The following VIPR2 variants were observed in gnomAD, a reference collection of about 807,000 sequenced individuals.
VIPR2 encodes vasoactive intestinal polypeptide receptor 2.
A neutral mutation model predicts 58.0 loss-of-function variants in VIPR2; 48 were observed. The observed-to-expected ratio is 0.83, with a 90% CI of 0.66 to 1.05. The LOEUF (loss-of-function observed/expected upper bound fraction) is 1.05. Ranked by LOEUF, VIPR2 falls within the 50% of genes least tolerant of loss-of-function variation. The probability of loss-of-function intolerance (pLI) is 0.00; values close to 1 mark genes in which losing one functional copy is unlikely to be tolerated. For synonymous variants in VIPR2, 243 were observed against 235.2 expected, an observed-to-expected ratio of 1.03 and a Z score of -0.30; for missense variants, 534 against 558.0, an observed-to-expected ratio of 0.96 and a Z score of 0.43.
At chr7:159,080,796 A>T (rs963242844) in intron 4 of VIPR2, among the ~76,000 whole-genome samples, 1 of 152,102 alleles carries the variant, frequency 6.6e-6, no homozygotes, top group Non-Finnish European at 1.5e-5. Context: ...AATGTGCAAA[A>T]ATCACAAGCA....
chr7:159,108,960 G>A (rs62487860), intron 3 of VIPR2, among the ~76,000 whole-genome samples: 3,941 of 152,272 alleles, frequency 0.026, 63 homozygotes, highest in Non-Finnish European at 0.037. Context: ...CTCGGGGTGA[G>A]AAAGTCAAAA....
intron 5 of VIPR2, among the ~76,000 whole-genome samples, chr7:159,045,637 A>G (rs1301388658): frequency 1.3e-5 from 2 of 152,174 alleles, no homozygotes; most frequent in Non-Finnish European, 2.9e-5. Context: ...GAAAAAACAT[A>G]GGAGCAAATA....
At position 159,144,180 on chromosome 7, in the gene VIPR2, C is replaced by T. The variant is rs1035295841; in HGVS notation, c.51+541G>A. 12 of 957,826 alleles carry T rather than the reference C, an allele frequency of 1.3e-5. No individual in the cohort carries two copies. The Admixed American group carries it at 5.0e-4, about 40-fold the overall frequency. 59.3% of individuals were successfully genotyped at this position (957,826 alleles called of 1,614,324 possible). A position where few individuals can be genotyped will look rare whatever the true frequency, so the allele number is the denominator to read the frequency against. On this transcript the variant is annotated intron_variant, in intron 1 of 12. Coordinates refer to ENST00000262178, the MANE Select transcript of VIPR2 (RefSeq NM_003382.5). Reference sequence around the variant, plus strand: ...TAATTCAGAACTCCATGTGCGAAGGCACTTAATCAACAAACTTATGAGCAG... The same window carrying T: ...TAATTCAGAACTCCATGTGCGAAGGTACTTAATCAACAAACTTATGAGCAG...
chr7:159,065,546 G>A (rs181223801), intron 4 of VIPR2, among the ~76,000 whole-genome samples: 89 of 152,280 alleles, frequency 5.8e-4, no homozygotes, highest in African/African-American at 2.0e-3. Flanking sequence ...TATCCTTGGC[G>A]TGTGCCAGCA....
At chr7:159,110,216 C>T (rs1042351260) in intron 2 of VIPR2, among the ~76,000 whole-genome samples, 1 of 152,184 alleles carries the variant, frequency 6.6e-6, no homozygotes, top group African/African-American at 2.4e-5. Context: ...GAAATGGGCA[C>T]CACTGGGTAT....
In VIPR2 at chr7:159,090,149, C is replaced by T. The variant is rs1033991244; in HGVS notation, c.357+13608G>A. ...CCTCAGCACAGACACGCTGGGACCA[C>T]ACACAGGGGCCACCTCTTATGACCA... is the stretch of plus-strand genomic sequence containing the variant. On this transcript the variant is annotated intron_variant, in intron 4 of 12. Coordinates refer to ENST00000262178, the MANE Select transcript of VIPR2 (RefSeq NM_003382.5). Among the ~76,000 whole-genome samples, 70 of 133,574 alleles carry T rather than the reference C, an allele frequency of 5.2e-4. 2 individuals are homozygous for T. Among genetic ancestry groups the T allele is most frequent in the African/African-American group, 2.1e-3 (65 of 30,656 alleles). 87.6% of individuals were successfully genotyped at this position (133,574 alleles called of 152,430 possible). A position where few individuals can be genotyped will look rare whatever the true frequency, so the allele number is the denominator to read the frequency against.
At chr7:159,047,711 T>C (rs1308632014) in intron 5 of VIPR2, among the ~76,000 whole-genome samples, 1 of 152,250 alleles carries the variant, frequency 6.6e-6, no homozygotes, top group Admixed American at 6.5e-5. Flanking sequence ...TTTCAGTATT[T>C]ATGTGCAAAT....
At chr7:159,032,280 G>A (rs905334106) in intron 10 of VIPR2, among the ~76,000 whole-genome samples, 11 of 152,208 alleles carry the variant, frequency 7.2e-5, no homozygotes, top group African/African-American at 1.9e-4. Context: ...GCCTGGGAAC[G>A]TGCATTCCGG....
chr7:159,038,750 C>T (rs6967025), intron 6 of VIPR2, among the ~76,000 whole-genome samples: 2,434 of 151,618 alleles, frequency 0.016, 48 homozygotes, highest in African/African-American at 0.055. Context: ...TTAACCAAGA[C>T]GGGAAATCTG....
At chr7:159,078,758 G>A (rs773116251) in intron 4 of VIPR2, among the ~76,000 whole-genome samples, 2 of 152,304 alleles carry the variant, frequency 1.3e-5, no homozygotes, top group Middle Eastern at 3.4e-3. Flanking sequence ...AGTAACTCGG[G>A]AAAAATGTAA....
At chr7:159,105,175 G>T (rs965693412) in intron 3 of VIPR2, among the ~76,000 whole-genome samples, 1 of 152,180 alleles carries the variant, frequency 6.6e-6, no homozygotes, top group Non-Finnish European at 1.5e-5. Flanking sequence ...TGTCCGAGCC[G>T]TAAGAATAAA....
chr7:159,075,821 C>A (rs1856610860), intron 4 of VIPR2, among the ~76,000 whole-genome samples: 1 of 151,660 alleles, frequency 6.6e-6, no homozygotes, highest in African/African-American at 2.4e-5. Context: ...CACCCACGGA[C>A]CCGCTGCATC....
chr7:159,132,924 C>G (rs2974951), intron 2 of VIPR2, among the ~76,000 whole-genome samples: 3,260 of 24,340 alleles, frequency 0.13, 76 homozygotes, highest in South Asian at 0.17. Context: ...AGATTGATTT[C>G]AGACAGAATG....
intron 6 of VIPR2, among the ~76,000 whole-genome samples, chr7:159,039,497 C>CA (rs1195886919): frequency 6.6e-6 from 1 of 152,122 alleles, no homozygotes. Context: ...CAAAACAAAA[C>CA]AAAAAATAAA....
At chr7:159,092,996 C>G (rs1039951439) in intron 4 of VIPR2, among the ~76,000 whole-genome samples, 17 of 152,162 alleles carry the variant, frequency 1.1e-4, no homozygotes, top group Non-Finnish European at 2.9e-5. Context: ...TGTGCAGCCT[C>G]TCCGGGGAGA....
chr7:159,064,476 G>A (rs2129494308), intron 4 of VIPR2, among the ~76,000 whole-genome samples: 1 of 152,260 alleles, frequency 6.6e-6, no homozygotes, highest in South Asian at 2.1e-4. Context: ...TGATGGCGGG[G>A]TGAAAATGGA....
At chr7:159,047,561 C>A (rs961376864) in intron 5 of VIPR2, among the ~76,000 whole-genome samples, 1 of 152,128 alleles carries the variant, frequency 6.6e-6, no homozygotes, top group African/African-American at 2.4e-5. Context: ...GAATTTATTG[C>A]AATTCATTTG....
At position 159,106,201 on chromosome 7, in the gene VIPR2, C is replaced by T. The variant is rs184382164; in HGVS notation, c.260-2347G>A. On this transcript the variant is annotated intron_variant, in intron 3 of 12. Transcript: ENST00000262178. ...GAGGTGCAGCCTTTTCTCCTTCCTA[C>T]GGGAGATCAGTGTTTACCAATCCAA... Among the ~76,000 whole-genome samples the T allele has an allele frequency of 6.6e-5, 10 of 152,364 alleles. No individual in the cohort carries two copies. In the East Asian group the frequency reaches 7.7e-4, roughly 12 times the overall value.
At chr7:159,091,219 A>G (rs1240512568) in intron 4 of VIPR2, among the ~76,000 whole-genome samples, 2 of 152,230 alleles carry the variant, frequency 1.3e-5, no homozygotes, top group Non-Finnish European at 2.9e-5. Context: ...AACACAAGTG[A>G]GGTTAATAGA....
Sources: allele counts gnomAD v4.1 joint callset (sites outside exome capture counted in the v4.1 genomes callset), GRCh38; gene constraint gnomAD v4.1.1; transcripts MANE v1.5; gene names NCBI Gene and HGNC (gene_info 2026-07-23, HGNC 2026-07-21).